Variants in EXT1 observed in about 807,000 individuals in gnomAD.
The protein encoded by EXT1 is exostosin-1.
Under a neutral mutation model 82.5 loss-of-function variants are expected in EXT1, and 20 were observed. The observed-to-expected ratio is 0.24, with a 90% CI of 0.17 to 0.35. EXT1 has a LOEUF of 0.35. Among genes scored for constraint, EXT1 ranks in the 10% least tolerant of loss-of-function variants. The pLI is 1.00. For synonymous variants in EXT1, 348 were observed against 350.8 expected (o/e 0.99, Z 0.09); for missense variants, 757 against 936.5 (o/e 0.81, Z 2.50).
intron 1 of EXT1, among the ~76,000 whole-genome samples, chr8:118,047,728 G>C (rs1816645267): frequency 6.6e-6 from 1 of 152,114 alleles, no homozygotes; most frequent in South Asian, 2.1e-4. Flanking sequence ...AAAAATATCT[G>C]CTATTTATCT....
intron 1 of EXT1, among the ~76,000 whole-genome samples, chr8:117,987,855 A>C (rs183451836): frequency 3.9e-5 from 6 of 152,320 alleles, no homozygotes; most frequent in East Asian, 1.9e-4. Flanking sequence ...TGAGAGGCCT[A>C]GGCGGAAGGA....
chr8:117,832,676 TC>T (rs1222938627), intron 3 of EXT1, among the ~76,000 whole-genome samples: 3 of 152,196 alleles, frequency 2.0e-5, no homozygotes, highest in Non-Finnish European at 4.4e-5. Flanking sequence ...ATAACATGCA[TC>T]TTCATCTTAC....
intron 1 of EXT1, among the ~76,000 whole-genome samples, chr8:118,091,160 C>G (rs1455972515): frequency 2.6e-5 from 4 of 152,174 alleles, no homozygotes; most frequent in Non-Finnish European, 5.9e-5. Context: ...ATAAACTGCA[C>G]CCGGCCAAGA....
chr8:117,997,351 G>C (rs1240291665), intron 1 of EXT1, among the ~76,000 whole-genome samples: 1 of 148,504 alleles, frequency 6.7e-6, no homozygotes, highest in East Asian at 1.9e-4. Flanking sequence ...ACCAAAAAGG[G>C]GTAATTTTCA....
In EXT1 at chr8:117,856,558, G is replaced by A. The variant is rs572354815; in HGVS notation, c.963-19357C>T. On this transcript the variant is annotated intron_variant, in intron 1 of 10. Coordinates refer to ENST00000378204, the MANE Select transcript of EXT1 (RefSeq NM_000127.3). ...TGGGATTACAGGCGTGAGCCACCGC[G>A]CCTGGCCAAGGCTTTTTCAATTTTA... Among the ~76,000 whole-genome samples, 122 of 150,894 alleles carry A rather than the reference G, an allele frequency of 8.1e-4. 1 individual carries two copies. Among genetic ancestry groups the A allele is most frequent in the African/African-American group, 2.8e-3 (117 of 41,160 alleles).
chr8:117,844,684 C>T (rs1028118021), intron 1 of EXT1, among the ~76,000 whole-genome samples: 4 of 152,130 alleles, frequency 2.6e-5, no homozygotes, highest in South Asian at 2.1e-4. Context: ...TAAGGAGCCA[C>T]AGTTTCTCCA....
intron 1 of EXT1, among the ~76,000 whole-genome samples, chr8:118,109,025 G>A (rs1395473149): frequency 6.6e-6 from 1 of 152,192 alleles, no homozygotes; most frequent in Non-Finnish European, 1.5e-5. Flanking sequence ...ACAGCCAGAT[G>A]TAAGTGAGAG....
chr8:117,916,582 T>C (rs1813758598), intron 1 of EXT1, among the ~76,000 whole-genome samples: 1 of 152,186 alleles, frequency 6.6e-6, no homozygotes, highest in Admixed American at 6.6e-5. Context: ...GAAAAGGCAG[T>C]TTAACAGAGA....
At chr8:117,881,492 C>G (rs1813058336) in intron 1 of EXT1, among the ~76,000 whole-genome samples, 1 of 152,192 alleles carries the variant, frequency 6.6e-6, no homozygotes. Context: ...TGTCTCACAA[C>G]TCATGGGCTG....
chr8:117,902,413 A>T (rs759514122), intron 1 of EXT1, among the ~76,000 whole-genome samples: 2 of 152,224 alleles, frequency 1.3e-5, no homozygotes, highest in Non-Finnish European at 2.9e-5. Flanking sequence ...AACTGGCAAT[A>T]CAGTAGATTT....
intron 1 of EXT1, among the ~76,000 whole-genome samples, chr8:117,843,678 GA>G (rs1047271638): frequency 6.6e-6 from 1 of 152,160 alleles, no homozygotes; most frequent in South Asian, 2.1e-4. Flanking sequence ...GGGTGTCACT[GA>G]AGGGCTTGAG....
intron 1 of EXT1, among the ~76,000 whole-genome samples, chr8:118,036,267 A>G (rs944436630): frequency 3.9e-5 from 6 of 152,006 alleles, no homozygotes; most frequent in Non-Finnish European, 8.8e-5. Flanking sequence ...TAATGACACC[A>G]GTATTCAGGC....
chr8:117,911,614 A>G lies in EXT1; in HGVS notation c.963-74413T>C, dbSNP rs28357279. On this transcript the variant is annotated intron_variant, in intron 1 of 10. Transcript: ENST00000378204. Reference sequence around the variant, plus strand: ...GAGACTGGCCTCAGAAAGAAGGCCAACGGTGGACCTAAATTTCACATTTCT... The same window carrying G: ...GAGACTGGCCTCAGAAAGAAGGCCAGCGGTGGACCTAAATTTCACATTTCT... 6.5e-3 allele frequency among the ~76,000 whole-genome samples: 989 copies of G among 152,346 alleles called. 8 individuals are homozygous for G. Among genetic ancestry groups the G allele is most frequent in the African/African-American group, 0.019 (806 of 41,580 alleles).
In EXT1 at chr8:117,809,242, T is replaced by TATATATATATATATATA. The variant is rs796605483; in HGVS notation, c.1723-1866_1723-1865insTATATATATATATATAT. Among the ~76,000 whole-genome samples the TATATATATATATATATA allele has an allele frequency of 2.4e-4, 34 of 141,216 alleles. 1 individual carries two copies. In the East Asian group the frequency reaches 2.5e-3, roughly 11 times the overall value. The allele number at this position is 141,216 out of a possible 152,430, so 92.6% of individuals were successfully genotyped here. On this transcript the variant is annotated intron_variant, in intron 8 of 10. Coordinates refer to ENST00000378204, the MANE Select transcript of EXT1 (RefSeq NM_000127.3). ...AAATATATATATATATATATATATA[T>TATATATATATATATATA]ATTATGTTCTATTGATTCTGTTTGC... is the stretch of plus-strand genomic sequence containing the variant.
At chr8:118,109,940 A>T in intron 1 of EXT1, 145 bp downstream of exon 1, 1 of 1,321,806 alleles carries the variant, frequency 7.6e-7, no homozygotes, top group Non-Finnish European at 1.1e-6. Flanking sequence ...TGCACACCCG[A>T]ACCGGATTTG....
intron 1 of EXT1, among the ~76,000 whole-genome samples, chr8:117,912,048 A>G (rs1813657772): frequency 6.6e-6 from 1 of 152,198 alleles, no homozygotes; most frequent in South Asian, 2.1e-4. Context: ...AGAGGATAAG[A>G]GAGCTAATTT....
intron 1 of EXT1, among the ~76,000 whole-genome samples, chr8:118,057,887 G>A (rs996306803): frequency 2.7e-5 from 4 of 149,564 alleles, no homozygotes; most frequent in Admixed American, 6.7e-5. Context: ...GAGGAGAATC[G>A]CTTGAACCCA....
At position 118,110,479 on chromosome 8, in the gene EXT1, G is replaced by A; in HGVS notation, c.568C>T (p.His190Tyr). The change falls in exon 1 of 11, where the codon CAT (histidine) becomes TAT (tyrosine). Residue 190 changes from histidine to tyrosine, a missense_variant. By Grantham distance (83) the His-to-Tyr change is moderately conservative. This residue lies in a region of EXT1 where 247 missense variants were observed against 330.1 expected (regional missense o/e 0.75). Coordinates refer to ENST00000378204, the MANE Select transcript of EXT1 (RefSeq NM_000127.3). The stretch of plus-strand genomic sequence containing the variant: ...CCGGAATATAAATTAAAAATTAAAT[G>A]ATTCCTACCATTGTTCCACAAGTGG... The part of the protein sequence containing the change: ...SLHLWNNGRN[H>Y]LIFNLYSGTW... 1 of 1,614,106 alleles carries A rather than the reference G, an allele frequency of 6.2e-7. No individual in the cohort carries two copies. Among genetic ancestry groups the A allele is most frequent in the Non-Finnish European group, 8.5e-7 (1 of 1,180,030 alleles).
intron 1 of EXT1, among the ~76,000 whole-genome samples, chr8:117,847,250 C>T (rs1013462131): frequency 1.2e-4 from 19 of 152,198 alleles, no homozygotes; most frequent in African/African-American, 4.3e-4. Flanking sequence ...CTTTAACAAA[C>T]ACATGCCCAA....
Sources: allele counts gnomAD v4.1 joint callset (sites outside exome capture counted in the v4.1 genomes callset), GRCh38; gene constraint gnomAD v4.1.1; regional missense constraint gnomAD v4.1.1; transcripts MANE v1.5; gene names NCBI Gene and HGNC (gene_info 2026-07-23, HGNC 2026-07-21).